TIAM2: variants seen among roughly 807,000 people sequenced by gnomAD.
The protein encoded by TIAM2 is rho guanine nucleotide exchange factor TIAM2.
Under a neutral mutation model 152.9 loss-of-function variants are expected in TIAM2, and 80 were observed. The ratio of observed to expected loss-of-function variants is 0.52; its 90% CI spans 0.44 to 0.63. The LOEUF (loss-of-function observed/expected upper bound fraction) is 0.63, where lower values mean the gene tolerates loss of function less well. Ranked by LOEUF, TIAM2 falls within the 30% of genes least tolerant of loss-of-function variation. TIAM2 has a pLI of 0.00. For missense variants in TIAM2, 1,965 were observed against 2,120.1 expected (o/e 0.93, Z 1.44); for synonymous variants, 804 against 838.0 (o/e 0.96, Z 0.70).
intron 1 of TIAM2, among the ~76,000 whole-genome samples, chr6:155,076,757 G>T (rs1040382026): frequency 1.3e-5 from 2 of 152,138 alleles, no homozygotes; most frequent in African/African-American, 2.4e-5. Context: ...GCAGTGGCAC[G>T]TGATTGTGGC....
chr6:155,213,526 T>C lies in TIAM2; in HGVS notation c.3168+2219T>C, dbSNP rs938609343. 5.9e-5 allele frequency among the ~76,000 whole-genome samples: 9 copies of C among 152,160 alleles called. No homozygotes were observed. Among genetic ancestry groups the C allele is most frequent in the Non-Finnish European group, 1.2e-4 (8 of 68,016 alleles). ...GTGGAAATGTGCACTGATTGGTCCA[T>C]AGTGGCCATGAGCAGACCCAGAAAA... is the stretch of plus-strand genomic sequence containing the variant. On this transcript the variant is annotated intron_variant, in intron 15 of 26. Transcript: ENST00000682666. The surrounding 1 kb of genome is among the most constrained non-coding windows in gnomAD (Gnocchi z 4.2).
intron 7 of TIAM2, among the ~76,000 whole-genome samples, chr6:155,163,255 C>T (rs573598041): frequency 3.3e-5 from 5 of 152,314 alleles, no homozygotes; most frequent in South Asian, 4.1e-4. Context: ...ACTTACAGAC[C>T]TTCTCTTGAG....
At chr6:155,000,488 G>A (rs867312090) in intron 1 of TIAM2, among the ~76,000 whole-genome samples, 4 of 135,628 alleles carry the variant, frequency 2.9e-5, no homozygotes, top group Middle Eastern at 0.01. Context: ...CTGAGATTGC[G>A]CCATTGCACT....
At chr6:155,133,447 T>G (rs952708471) in intron 4 of TIAM2, among the ~76,000 whole-genome samples, 6 of 152,314 alleles carry the variant, frequency 3.9e-5, no homozygotes, top group Admixed American at 1.3e-4. Flanking sequence ...ATTTATTTTT[T>G]GAGATGGAGT....
At chr6:155,023,172 T>C (rs965131396) in intron 1 of TIAM2, among the ~76,000 whole-genome samples, 2 of 152,190 alleles carry the variant, frequency 1.3e-5, no homozygotes, top group Non-Finnish European at 2.9e-5. Flanking sequence ...GACTTGGATT[T>C]ACTTACAGCC....
Position 155,164,556 on chromosome 6 carries a change from C to G in TIAM2, c.2170C>G (p.Leu724Val), listed in dbSNP as rs530684836. 6.2e-7 allele frequency: 1 copy of G among 1,613,970 alleles called. No individual in the cohort carries two copies. The highest frequency in any genetic ancestry group is 2.2e-5 in the East Asian group (1 of 44,856). Residue 724 changes from leucine (L) to valine (V), a missense_variant, in exon 8 of 27, where the codon CTC becomes GTC. This residue lies in a region of TIAM2 where 1,025 missense variants were observed against 1,119.4 expected (regional missense o/e 0.92). Transcript: ENST00000682666. ...CGCCAGCCGCCCCTCCAAGCTGGCC[C>G]TCGGCAGGCTGGGCATCTTGTCTGT... ...AAASRPSKLA[L>V]GRLGILSVSS... is the part of the protein sequence containing the mutation.
At chr6:155,235,006 T>G (rs369058448) in intron 15 of TIAM2, among the ~76,000 whole-genome samples, 1 of 117,718 alleles carries the variant, frequency 8.5e-6, no homozygotes, top group Non-Finnish European at 2.2e-5. Flanking sequence ...CAGCTAGAGA[T>G]GGAGCACAGC....
intron 12 of TIAM2, among the ~76,000 whole-genome samples, chr6:155,180,712 C>T (rs982575352): frequency 1.3e-5 from 2 of 151,878 alleles, no homozygotes; most frequent in African/African-American, 2.4e-5. Context: ...AAGCAATTCT[C>T]CCTGCCTCAG....
In TIAM2 at chr6:155,218,191, G is replaced by T. The variant is rs1347492129; in HGVS notation, c.3168+6884G>T. 6.6e-6 allele frequency among the ~76,000 whole-genome samples: 1 copy of T among 152,176 alleles called. No homozygotes were observed. Among genetic ancestry groups the T allele is most frequent in the Non-Finnish European group, 1.5e-5 (1 of 68,032 alleles). ...ATGGTTGCTATTCAATAGATGAATA[G>T]AATCATGATCCTTTTCTTAAAACCA... On this transcript the variant is annotated intron_variant, in intron 15 of 26. Coordinates refer to ENST00000682666, the MANE Select transcript of TIAM2 (RefSeq NM_012454.4). The surrounding 1 kb of genome is among the most constrained non-coding windows in gnomAD (Gnocchi z 4.5).
chr6:155,029,225 GTACTATGTGTTATATACACTA>G (rs1776734666), intron 1 of TIAM2, among the ~76,000 whole-genome samples: 2 of 106,360 alleles, frequency 1.9e-5, no homozygotes, highest in African/African-American at 6.7e-5. Context: ...TACACTATAT[GTACTATGTGTTATATACACTA>G]TATGTACTAT....
intron 12 of TIAM2, among the ~76,000 whole-genome samples, chr6:155,179,830 A>C (rs2115136373): frequency 6.6e-6 from 1 of 152,262 alleles, no homozygotes; most frequent in East Asian, 1.9e-4. Flanking sequence ...TTCTCTTCCC[A>C]CCTGGAATGC....
At chr6:155,121,904 G>C (rs1025886561) in intron 2 of TIAM2, 1 of 152,390 alleles carries the variant, frequency 6.6e-6, no homozygotes, top group African/African-American at 2.4e-5. Flanking sequence ...CCCACCCGGA[G>C]GGTTTCCTCC....
chr6:155,193,819 C>T (rs1304276898), intron 14 of TIAM2, among the ~76,000 whole-genome samples: 3 of 152,250 alleles, frequency 2.0e-5, no homozygotes, highest in Middle Eastern at 3.4e-3. Flanking sequence ...CAATGAAGAG[C>T]GCAATGGTGC....
intron 1 of TIAM2, among the ~76,000 whole-genome samples, chr6:154,998,874 T>G (rs913058159): frequency 4.6e-5 from 7 of 152,202 alleles, no homozygotes; most frequent in African/African-American, 1.7e-4. Context: ...TTCTGTATAT[T>G]CCATCATTGG....
chr6:155,135,602 G>A (rs1779537297), intron 4 of TIAM2, among the ~76,000 whole-genome samples: 1 of 152,146 alleles, frequency 6.6e-6, no homozygotes, highest in Admixed American at 6.5e-5. Flanking sequence ...TTTCTTCAGT[G>A]ACTAGACTTC....
chr6:155,009,091 CTTTTTTTTTT>C lies in TIAM2; in HGVS notation c.-209+13618_-209+13627del, dbSNP rs61651734. 1.5e-4 allele frequency among the ~76,000 whole-genome samples: 9 copies of C among 61,470 alleles called. No individual in the cohort carries two copies. The South Asian group carries it at 3.2e-3, about 22-fold the overall frequency. 40.3% of individuals were successfully genotyped at this position (61,470 alleles called of 152,430 possible). ...GTCCTCTGTTTCTGACTCAGAAGAT[CTTTTTTTTTT>C]TTTTTTTTTTTTTTTTTTGAGGCAG... is the stretch of plus-strand genomic sequence containing the variant. On this transcript the variant is annotated intron_variant, in intron 1 of 26. Transcript: ENST00000682666.
At chr6:155,067,280 A>G (rs1777715928) in intron 1 of TIAM2, among the ~76,000 whole-genome samples, 1 of 152,072 alleles carries the variant, frequency 6.6e-6, no homozygotes, top group Non-Finnish European at 1.5e-5. Context: ...CCTCCTACCT[A>G]GAACCTTTCT....
chr6:155,172,182 T>G (rs1780599974), intron 9 of TIAM2, among the ~76,000 whole-genome samples: 1 of 152,178 alleles, frequency 6.6e-6, no homozygotes, highest in Non-Finnish European at 1.5e-5. Context: ...AGACGTTCAC[T>G]AGTCAGTCTG....
intron 11 of TIAM2, 36 bp downstream of exon 11, chr6:155,179,179 C>T (rs1457458443): frequency 1.3e-6 from 2 of 1,557,168 alleles, no homozygotes; most frequent in Non-Finnish European, 1.8e-6. Flanking sequence ...GGAAACTGAA[C>T]CACATCTATG....
Sources: allele counts gnomAD v4.1 joint callset (sites outside exome capture counted in the v4.1 genomes callset), GRCh38; gene constraint gnomAD v4.1.1; regional missense constraint gnomAD v4.1.1; non-coding constraint Gnocchi (gnomAD v3.1); transcripts MANE v1.5; gene names NCBI Gene and HGNC (gene_info 2026-07-23, HGNC 2026-07-21).